Variants in AFF3 observed in about 807,000 individuals in gnomAD.
The protein encoded by AFF3 is AF4/FMR2 family member 3.
Under a neutral mutation model 129.7 loss-of-function variants are expected in AFF3, and 32 were observed. The observed-to-expected ratio is 0.25, with a 90% CI of 0.19 to 0.33. The LOEUF (loss-of-function observed/expected upper bound fraction) is 0.33, where lower values mean the gene tolerates loss of function less well. Ranked by LOEUF, AFF3 falls within the 10% of genes least tolerant of loss-of-function variation. The pLI is 1.00. For synonymous variants in AFF3, 644 were observed against 635.4 expected, an observed-to-expected ratio of 1.01 and a Z score of -0.20; for missense variants, 1,373 against 1,592.0, an observed-to-expected ratio of 0.86 and a Z score of 2.34.
intron 11 of AFF3, among the ~76,000 whole-genome samples, chr2:99,722,638 A>G (rs1028864650): frequency 2.0e-5 from 3 of 152,218 alleles, no homozygotes; most frequent in African/African-American, 7.2e-5. Flanking sequence ...GCAGCTGAAA[A>G]GAGTCTCTGC....
At chr2:99,728,664 C>CT (rs376909355) in intron 10 of AFF3, among the ~76,000 whole-genome samples, 4 of 152,134 alleles carry the variant, frequency 2.6e-5, no homozygotes, top group African/African-American at 9.7e-5. Flanking sequence ...CTATGAGGGA[C>CT]TTTGGCTAAA....
At chr2:100,110,304 G>T (rs377009075) in intron 2 of AFF3, 3 of 152,290 alleles carry the variant, frequency 2.0e-5, no homozygotes, top group African/African-American at 7.2e-5. Flanking sequence ...TCAAGGTGTT[G>T]GTCTGCTTCA....
chr2:99,762,863 T>A (rs1682727661), intron 8 of AFF3, among the ~76,000 whole-genome samples: 1 of 152,254 alleles, frequency 6.6e-6, no homozygotes, highest in Non-Finnish European at 1.5e-5. Flanking sequence ...TGGCTGCTGA[T>A]CACAGTGTGA....
chr2:100,113,547 A>T (rs958120183), intron 2 of AFF3, among the ~76,000 whole-genome samples: 1 of 152,242 alleles, frequency 6.6e-6, no homozygotes, highest in Non-Finnish European at 1.5e-5. Flanking sequence ...CAAGTCAAGA[A>T]CTGAATTATC....
At chr2:100,095,862 C>A (rs1337231496) in intron 4 of AFF3, among the ~76,000 whole-genome samples, 2 of 152,184 alleles carry the variant, frequency 1.3e-5, no homozygotes, top group Non-Finnish European at 2.9e-5. Flanking sequence ...AGTTTGGCCA[C>A]CTAATGGACT....
chr2:99,830,790 A>T (rs1321995998), intron 8 of AFF3, among the ~76,000 whole-genome samples: 1 of 152,186 alleles, frequency 6.6e-6, no homozygotes, highest in Non-Finnish European at 1.5e-5. Flanking sequence ...TCACAACAGG[A>T]CCTGCTCACC....
chr2:99,765,670 C>T (rs113022502), intron 8 of AFF3, among the ~76,000 whole-genome samples: 1 of 152,288 alleles, frequency 6.6e-6, no homozygotes, highest in African/African-American at 2.4e-5. Context: ...TGCTGTATTG[C>T]TACCTTTATA....
intron 7 of AFF3, among the ~76,000 whole-genome samples, chr2:99,954,396 C>G (rs895521917): frequency 6.6e-5 from 10 of 152,038 alleles, no homozygotes; most frequent in African/African-American, 2.2e-4. Context: ...ACCATTTGAC[C>G]CAGCCATCCC....
At chr2:99,691,250 G>A (rs536424512) in intron 11 of AFF3, among the ~76,000 whole-genome samples, 15 of 152,242 alleles carry the variant, frequency 9.9e-5, no homozygotes, top group African/African-American at 3.4e-4. Flanking sequence ...TGCTCATTCC[G>A]CCCATGTGGA....
At chr2:100,022,928 AGG>A (rs1272591168) in intron 4 of AFF3, among the ~76,000 whole-genome samples, 1 of 152,204 alleles carries the variant, frequency 6.6e-6, no homozygotes, top group Non-Finnish European at 1.5e-5. Context: ...AGGAAGAGAT[AGG>A]GGGAGACACT....
At chr2:99,777,220 C>T (rs1315736846) in intron 8 of AFF3, among the ~76,000 whole-genome samples, 1 of 152,146 alleles carries the variant, frequency 6.6e-6, no homozygotes, top group African/African-American at 2.4e-5. Flanking sequence ...AGTTCCTACC[C>T]AGGTCCTCTC....
chr2:99,821,047 A>G (rs1687639460), intron 8 of AFF3, among the ~76,000 whole-genome samples: 1 of 151,620 alleles, frequency 6.6e-6, no homozygotes, highest in African/African-American at 2.4e-5. Flanking sequence ...TGATTTTTGT[A>G]TTTTTAGTAC....
intron 4 of AFF3, among the ~76,000 whole-genome samples, chr2:100,058,443 T>A (rs1252752537): frequency 1.3e-5 from 2 of 151,960 alleles, no homozygotes; most frequent in African/African-American, 2.4e-5. Context: ...GAAAAAAAAA[T>A]ATATAAACAT....
At chr2:99,634,906 T>C (rs554925393) in intron 13 of AFF3, among the ~76,000 whole-genome samples, 2 of 151,302 alleles carry the variant, frequency 1.3e-5, no homozygotes, top group South Asian at 2.1e-4. Flanking sequence ...CCTGGCCCCA[T>C]GTGCAGTGCT....
rs2104998802 is a variant in AFF3 at position 99,727,118 on chromosome 2, A to G, written c.1050T>C (p.Asp350=). 6.2e-7 allele frequency: 1 copy of G among 1,610,484 alleles called. No individual in the cohort carries two copies. The highest frequency in any genetic ancestry group is 8.5e-7 in the Non-Finnish European group (1 of 1,179,056). Residue 350 remains aspartate, a synonymous_variant, in exon 11 of 25, where the codon GAT becomes GAC. Coordinates refer to ENST00000672756, the MANE Select transcript of AFF3 (RefSeq NM_001386135.1). ...SSGHNNPKKG[D]AEPESPDNGT... is the part of the protein sequence containing the mutation. ...CATTGTCTGGACTCTCTGGCTCTGC[A>G]TCACCTTTCTCTTAAAAAGGAAGCA...
intron 10 of AFF3, among the ~76,000 whole-genome samples, chr2:99,737,162 TACAGGA>T (rs1391364901): frequency 1.3e-5 from 2 of 152,188 alleles, no homozygotes; most frequent in Non-Finnish European, 2.9e-5. Flanking sequence ...CCAAAATAAT[TACAGGA>T]ACTTAGAAGA....
rs376220115 is a variant in AFF3 at position 99,857,035 on chromosome 2, A to G, written c.874-19511T>C. On this transcript the variant is annotated intron_variant, in intron 7 of 24. Transcript: ENST00000672756. ...AGTTCCTCGGTCCTTTCCTAGAAAGAACCACAGAGACAAATAGTGTTCTAA... is the reference window on the plus strand; with the variant it reads ...AGTTCCTCGGTCCTTTCCTAGAAAGGACCACAGAGACAAATAGTGTTCTAA... 2.0e-5 allele frequency among the ~76,000 whole-genome samples: 3 copies of G among 152,288 alleles called. No homozygotes were observed. In the East Asian group the frequency reaches 5.8e-4, roughly 29 times the overall value.
chr2:99,553,465 C>T (rs1674597338), intron 24 of AFF3, among the ~76,000 whole-genome samples: 1 of 152,182 alleles, frequency 6.6e-6, no homozygotes, highest in South Asian at 2.1e-4. Flanking sequence ...CAGATTTGCA[C>T]TCTTACCTGC....
rs576223788 is a variant in AFF3 at position 99,965,193 on chromosome 2, G to C, written c.873+41439C>G. On this transcript the variant is annotated intron_variant, in intron 7 of 24. Transcript: ENST00000672756. Reference sequence around the variant, plus strand: ...ATCACTATGATTGTTAGACATATAAGACTAGATTATAAGCTGACAGAACCC... The same window carrying C: ...ATCACTATGATTGTTAGACATATAACACTAGATTATAAGCTGACAGAACCC... Among the ~76,000 whole-genome samples the C allele has an allele frequency of 2.2e-4, 33 of 152,276 alleles. No homozygotes were observed. In the South Asian group the frequency reaches 6.4e-3, roughly 30 times the overall value.
Sources: gnomAD v4.1 joint callset for allele counts (sites outside exome capture counted in the v4.1 genomes callset) on GRCh38, gnomAD v4.1.1 for gene constraint, MANE v1.5 for transcripts, NCBI Gene and HGNC (gene_info 2026-07-23, HGNC 2026-07-21) for gene names.